The following GPR107 variants were observed in gnomAD, a reference collection of about 807,000 sequenced individuals.
GPR107 encodes G protein-coupled receptor 107.
A neutral mutation model predicts 75.5 loss-of-function variants in GPR107; 31 were observed. That is an observed-to-expected ratio of 0.41 (90% CI 0.31 to 0.55). The LOEUF (loss-of-function observed/expected upper bound fraction) is 0.55. GPR107 is among the 20% of genes least tolerant of loss of function. GPR107 has a pLI of 0.26. For synonymous variants in GPR107, 267 were observed against 251.3 expected (o/e 1.06, Z -0.59); for missense variants, 572 against 665.7 (o/e 0.86, Z 1.55).
intron 1 of GPR107, among the ~76,000 whole-genome samples, chr9:130,058,374 GT>G (rs769018890): frequency 3.4e-4 from 51 of 152,162 alleles, no homozygotes; most frequent in Admixed American, 7.2e-4. Flanking sequence ...CCCACCACTA[GT>G]CCCAGGCAGC....
chr9:130,091,042 G>T (rs1830721812), intron 8 of GPR107, 59 bp downstream of exon 8: 2 of 757,960 alleles, frequency 2.6e-6, no homozygotes, highest in Non-Finnish European at 4.6e-6. Flanking sequence ...CGGGAGATTT[G>T]TTTCTGTATA....
Position 130,100,719 on chromosome 9 carries a change from A to C in GPR107, c.1013+17A>C, listed in dbSNP as rs751476519. The C allele has an allele frequency of 2.6e-6, 4 of 1,549,668 alleles. No homozygotes were observed. The highest frequency in any genetic ancestry group is 1.8e-6 in the Non-Finnish European group (2 of 1,121,104). ...AACTCACCTGTAAGTATGCAGGTCC[A>C]TGTGAAATACACCATGAAATGACAT... is the stretch of plus-strand genomic sequence containing the variant. On this transcript the variant is annotated intron_variant, in intron 11 of 17. Transcript: ENST00000347136.
intron 1 of GPR107, among the ~76,000 whole-genome samples, chr9:130,070,944 C>G (rs1263885206): frequency 2.0e-5 from 3 of 151,630 alleles, no homozygotes; most frequent in Non-Finnish European, 4.4e-5. Context: ...GTCTTGAACT[C>G]CTGTCCTCAA....
intron 14 of GPR107, among the ~76,000 whole-genome samples, chr9:130,123,028 G>T (rs573345382): frequency 5.3e-4 from 80 of 152,020 alleles, no homozygotes; most frequent in Non-Finnish European, 1.0e-3. Flanking sequence ...GAACCAGAGA[G>T]ATTTAATTTT....
chr9:130,132,541 C>G (rs983321404), intron 17 of GPR107, among the ~76,000 whole-genome samples: 4 of 152,204 alleles, frequency 2.6e-5, no homozygotes, highest in Admixed American at 6.5e-5. Flanking sequence ...AATCCCAGCA[C>G]TTTGGGAGGC....
At chr9:130,124,574 T>G (rs1831626630) in intron 14 of GPR107, among the ~76,000 whole-genome samples, 1 of 152,156 alleles carries the variant, frequency 6.6e-6, no homozygotes, top group East Asian at 1.9e-4. Context: ...GCTGGCTCTC[T>G]GGGGGGAAAA....
At chr9:130,054,573 C>A (rs1158299642) in intron 1 of GPR107, among the ~76,000 whole-genome samples, 2 of 152,184 alleles carry the variant, frequency 1.3e-5, no homozygotes, top group Non-Finnish European at 2.9e-5. Context: ...AATTTCAAAT[C>A]TTGCTTAAAA....
intron 1 of GPR107, among the ~76,000 whole-genome samples, chr9:130,070,163 ATT>A (rs559425211): frequency 1.6e-4 from 20 of 124,964 alleles, no homozygotes; most frequent in Admixed American, 4.0e-4. Context: ...CACCCGGCTA[ATT>A]TTTTTTTTTT....
rs1349879373 is a variant in GPR107 at position 130,103,290 on chromosome 9, A to G, written c.1132-1130A>G. ...CTGTATAGAAAGAGAAATTAAACTT[A>G]GAGACTTCCTAAATAATAGCACTAC... On this transcript the variant is annotated intron_variant, in intron 12 of 17. Transcript: ENST00000347136. This position sits in a 1 kb window ranked among gnomAD's most constrained non-coding sequence, Gnocchi z 4.3. Among the ~76,000 whole-genome samples the G allele has an allele frequency of 2.6e-5, 4 of 152,366 alleles. No homozygotes were observed. The highest frequency in any genetic ancestry group is 9.6e-5 in the African/African-American group (4 of 41,590).
chr9:130,098,252 T>A (rs1830928519), intron 9 of GPR107, among the ~76,000 whole-genome samples: 1 of 152,156 alleles, frequency 6.6e-6, no homozygotes, highest in Non-Finnish European at 1.5e-5. Flanking sequence ...AGGAATTTAA[T>A]GCCCGGCAGC....
intron 1 of GPR107, among the ~76,000 whole-genome samples, chr9:130,064,354 C>T (rs935416111): frequency 6.6e-6 from 1 of 150,448 alleles, no homozygotes; most frequent in South Asian, 2.1e-4. Context: ...CCCGCCACCG[C>T]GCCCGGCTAA....
chr9:130,099,013 C>CA (rs34789609), intron 9 of GPR107, among the ~76,000 whole-genome samples: 45,282 of 147,120 alleles, frequency 0.31, 7,485 homozygotes, highest in Non-Finnish European at 0.39. Context: ...ACTCTTGTCT[C>CA]AAAAAAAAAA....
intron 1 of GPR107, among the ~76,000 whole-genome samples, chr9:130,066,571 T>C (rs1301357320): frequency 1.3e-5 from 2 of 152,274 alleles, no homozygotes; most frequent in East Asian, 1.9e-4. Flanking sequence ...AGGTTAGCCA[T>C]GTCTGTCCAG....
At chr9:130,129,766 TAAC>T (rs1831773161) in intron 17 of GPR107, 2 of 152,226 alleles carry the variant, frequency 1.3e-5, no homozygotes, top group African/African-American at 4.8e-5. Flanking sequence ...CATCAGGAAA[TAAC>T]CTAAGACGCG....
At position 130,135,295 on chromosome 9, in the gene GPR107, A is replaced by G; in HGVS notation, c.*174A>G. The G allele has an allele frequency of 2.0e-6, 1 of 506,252 alleles. No individual in the cohort carries two copies. Among genetic ancestry groups the G allele is most frequent in the Non-Finnish European group, 3.5e-6 (1 of 288,748 alleles). 31.4% of individuals were successfully genotyped at this position (506,252 alleles called of 1,614,324 possible). On this transcript the variant is annotated 3_prime_UTR_variant, in exon 18 of 18. Transcript: ENST00000347136. ...CCTGATTTTGTACTCTCTTTTATGG[A>G]AACGATCTGTGGCTGTTTAGAGGCA... is the stretch of plus-strand genomic sequence containing the variant.
chr9:130,054,207 A>T (rs2132519465), intron 1 of GPR107, 134 bp downstream of exon 1: 1 of 888,024 alleles, frequency 1.1e-6, no homozygotes. Context: ...TTTCACTGAC[A>T]GGTGGCGGGG....
At chr9:130,123,247 C>T (rs201060356) in intron 14 of GPR107, among the ~76,000 whole-genome samples, 1 of 152,132 alleles carries the variant, frequency 6.6e-6, no homozygotes, top group African/African-American at 2.4e-5. Context: ...CTCTGTCACC[C>T]AGACTGGAGG....
chr9:130,085,467 C>G (rs905047637), intron 6 of GPR107, among the ~76,000 whole-genome samples: 1 of 152,096 alleles, frequency 6.6e-6, no homozygotes, highest in Non-Finnish European at 1.5e-5. Flanking sequence ...CTAAAATAAA[C>G]TGTAGATATG....
At chr9:130,069,984 C>CTTTTTTTTTTTTTTTTT (rs1045979986) in intron 1 of GPR107, among the ~76,000 whole-genome samples, 5 of 45,418 alleles carry the variant, frequency 1.1e-4, no homozygotes, top group Admixed American at 3.3e-4. Context: ...TGCCTGGCCT[C>CTTTTTTTTTTTTTTTTT]TTTTTTTTTT....
Sources: gnomAD v4.1 joint callset for allele counts (sites outside exome capture counted in the v4.1 genomes callset) on GRCh38, gnomAD v4.1.1 for gene constraint, Gnocchi (gnomAD v3.1) non-coding constraint, MANE v1.5 for transcripts, NCBI Gene and HGNC (gene_info 2026-07-23, HGNC 2026-07-21) for gene names.